CMYA5: variants seen among roughly 807,000 people sequenced by gnomAD.
CMYA5 encodes the protein cardiomyopathy-associated protein 5.
In CMYA5, 246 loss-of-function variants were observed where a neutral mutation model predicts 318.9. The observed-to-expected ratio is 0.77, with a 90% CI of 0.70 to 0.86. The LOEUF (loss-of-function observed/expected upper bound fraction) is 0.86. CMYA5 is among the 40% of genes least tolerant of loss of function. The pLI is 0.00. For synonymous variants in CMYA5, 1,641 were observed against 1,729.5 expected, an observed-to-expected ratio of 0.95 and a Z score of 1.27; for missense variants, 4,589 against 4,678.2, an observed-to-expected ratio of 0.98 and a Z score of 0.56.
At chr5:79,700,092 G>C (rs1454656871) in intron 1 of CMYA5, among the ~76,000 whole-genome samples, 1 of 152,172 alleles carries the variant, frequency 6.6e-6, no homozygotes, top group African/African-American at 2.4e-5. Flanking sequence ...GGCAAGAAAT[G>C]GCAACCACTC....
chr5:79,792,054 T>A, intron 11 of CMYA5, among the ~76,000 whole-genome samples: 1 of 152,240 alleles, frequency 6.6e-6, no homozygotes, highest in East Asian at 1.9e-4. Flanking sequence ...AGCAGTGACT[T>A]TCACTATTTC....
Position 79,730,850 on chromosome 5 carries a change from A to C in CMYA5, c.2085A>C (p.Thr695=). 2 of 1,613,988 alleles carry C rather than the reference A, an allele frequency of 1.2e-6. No individual in the cohort carries two copies. Among genetic ancestry groups the C allele is most frequent in the Non-Finnish European group, 1.7e-6 (2 of 1,179,886 alleles). ...SESGCYTPDS[T]SASEYSVPSL... is the part of the protein sequence containing the mutation. ...GTGGGTGTTACACACCAGACTCCACATCTGCTTCTGAATATTCAGTTCCAT... is the reference window on the plus strand; with the variant it reads ...GTGGGTGTTACACACCAGACTCCACCTCTGCTTCTGAATATTCAGTTCCAT... Residue 695 remains threonine (T), a synonymous_variant, in exon 2 of 13, where the codon ACA becomes ACC. Coordinates refer to ENST00000446378, the MANE Select transcript of CMYA5 (RefSeq NM_153610.5).
At chr5:79,756,786 A>G (rs1378097529) in intron 6 of CMYA5, among the ~76,000 whole-genome samples, 2 of 152,058 alleles carry the variant, frequency 1.3e-5, no homozygotes, top group African/African-American at 4.8e-5. Context: ...TTTGGTGTCC[A>G]CTTTTAATAA....
chr5:79,762,729 G>C (rs1234183176), intron 8 of CMYA5: 4 of 219,780 alleles, frequency 1.8e-5, no homozygotes, highest in Admixed American at 1.0e-4. Flanking sequence ...CTGAGGACAA[G>C]ATCATGGCTA....
In CMYA5 at chr5:79,799,621, T is replaced by C. The variant is rs1170838451; in HGVS notation, c.*5T>C. The C allele has an allele frequency of 3.7e-6, 6 of 1,602,572 alleles. No individual in the cohort carries two copies. In the East Asian group the frequency reaches 9.0e-5, roughly 24 times the overall value. On this transcript the variant is annotated 3_prime_UTR_variant, in exon 13 of 13. Transcript: ENST00000446378. ...GATTCTGTAAGGCACAAGTGATCCT[T>C]GGCTTTCAGAATTTGCAAGAACAGC...
Position 79,738,730 on chromosome 5 carries a change from A to G in CMYA5, c.9965A>G (p.Lys3322Arg). Reference sequence around the variant, plus strand: ...GTTGGTAACGTAGCGATGCAGAAGAAAGCTCCCATCACAGAGGACGTCAGA... The same window carrying G: ...GTTGGTAACGTAGCGATGCAGAAGAGAGCTCCCATCACAGAGGACGTCAGA... ...ETVGNVAMQK[K>R]APITEDVRVA... Residue 3322 changes from lysine (K) to arginine (R), a missense_variant, in exon 2 of 13, where the codon AAA becomes AGA. Coordinates refer to ENST00000446378, the MANE Select transcript of CMYA5 (RefSeq NM_153610.5). The G allele has an allele frequency of 6.2e-7, 1 of 1,613,922 alleles. No homozygotes were observed. The highest frequency in any genetic ancestry group is 8.5e-7 in the Non-Finnish European group (1 of 1,179,856).
At chr5:79,698,844 A>G (rs1447089943) in intron 1 of CMYA5, among the ~76,000 whole-genome samples, 2 of 152,176 alleles carry the variant, frequency 1.3e-5, no homozygotes, top group East Asian at 3.8e-4. Flanking sequence ...AGTGCCTGCT[A>G]CACAGTAGGG....
In CMYA5 at chr5:79,737,717, C is replaced by T. The variant is rs1473994076; in HGVS notation, c.8952C>T (p.Ala2984=). Residue 2984 remains alanine (A), a synonymous_variant, in exon 2 of 13, where the codon GCC becomes GCT. Coordinates refer to ENST00000446378, the MANE Select transcript of CMYA5 (RefSeq NM_153610.5). The part of the protein sequence containing the change: ...QDKLEYLEEK[A]SFKTIPLPDD... ...AATTAGAATATTTGGAAGAGAAAGC[C>T]TCATTTAAAACCATACCACTCCCTG... The T allele has an allele frequency of 6.2e-7, 1 of 1,611,858 alleles. No homozygotes were observed. The highest frequency in any genetic ancestry group is 1.3e-5 in the African/African-American group (1 of 74,858).
rs185336242 is a variant in CMYA5 at position 79,766,295 on chromosome 5, G to A, written c.11555+3086G>A. On this transcript the variant is annotated intron_variant, in intron 9 of 12. Coordinates refer to ENST00000446378, the MANE Select transcript of CMYA5 (RefSeq NM_153610.5). ...TTTGGGTATTTTTAGTAGAGACGGG[G>A]TTTCACCATGTTAGCCAGGATGGTC... is the stretch of plus-strand genomic sequence containing the variant. Among the ~76,000 whole-genome samples the A allele has an allele frequency of 1.0e-3, 155 of 152,232 alleles. 1 individual carries two copies. The highest frequency in any genetic ancestry group is 1.5e-3 in the Non-Finnish European group (100 of 68,016).
In CMYA5 at chr5:79,726,909, A is replaced by ATTTTTTTTTTTTTT. The variant is rs34198193; in HGVS notation, c.150-1996_150-1983dup. On this transcript the variant is annotated intron_variant, in intron 1 of 12. Coordinates refer to ENST00000446378, the MANE Select transcript of CMYA5 (RefSeq NM_153610.5). ...AGAGCTAGGATTGTTTAGGCCAGTGATTTTTTTTTTTTTTTTTTTTTTTGA... is the reference window on the plus strand; with the variant it reads ...AGAGCTAGGATTGTTTAGGCCAGTGATTTTTTTTTTTTTTTTTTTTTTTTTTTTTTTTTTTTTGA... Among the ~76,000 whole-genome samples, 88 of 96,032 alleles carry ATTTTTTTTTTTTTT rather than the reference A, an allele frequency of 9.2e-4. 12 individuals carry two copies. The highest frequency in any genetic ancestry group is 3.7e-3 in the African/African-American group (71 of 19,242). 63.0% of individuals were successfully genotyped at this position (96,032 alleles called of 152,430 possible). A position where few individuals can be genotyped will look rare whatever the true frequency, so the allele number is the denominator to read the frequency against.
Position 79,729,618 on chromosome 5 carries a change from C to T in CMYA5, c.853C>T (p.Arg285Cys), listed in dbSNP as rs200878416. Residue 285 changes from arginine (R) to cysteine (C), a missense_variant, in exon 2 of 13, where the codon CGC becomes TGC. Physicochemically the swap from Arg to Cys is radical, Grantham distance 180. This residue lies in a region of CMYA5 where 2,132 missense variants were observed against 2,131.3 expected (regional missense o/e 1.00). Transcript: ENST00000446378. ...NSGSNTVSKT[R>C]KLVAQSIEDK... ...TGGTTCTAATACAGTGTCCAAAACACGCAAATTAGTAGCCCAAAGCATAGA... is the reference window on the plus strand; with the variant it reads ...TGGTTCTAATACAGTGTCCAAAACATGCAAATTAGTAGCCCAAAGCATAGA... 2.6e-4 allele frequency: 422 copies of T among 1,613,688 alleles called. 4 individuals are homozygous for T. In the African/African-American group the frequency reaches 4.3e-3, roughly 17 times the overall value.
chr5:79,700,337 C>T lies in CMYA5; in HGVS notation c.149+10281C>T, dbSNP rs951330683. ...AGGTGAGAGGTGCTGCCTTGGGTTC[C>T]AGAATCTTCGCCAGTTAGTTTTGAT... On this transcript the variant is annotated intron_variant, in intron 1 of 12. Transcript: ENST00000446378. Among the ~76,000 whole-genome samples, 10 of 151,878 alleles carry T rather than the reference C, an allele frequency of 6.6e-5. No individual in the cohort carries two copies. In the East Asian group the frequency reaches 1.7e-3, roughly 26 times the overall value.
At chr5:79,750,541 T>G (rs1469468095) in intron 5 of CMYA5, among the ~76,000 whole-genome samples, 1 of 140,248 alleles carries the variant, frequency 7.1e-6, no homozygotes, top group African/African-American at 2.6e-5. Context: ...TTATTTTACC[T>G]TGCCACTTTT....
chr5:79,794,573 T>G lies in CMYA5; in HGVS notation c.11963+963T>G, dbSNP rs139731911. Among the ~76,000 whole-genome samples, 913 of 152,356 alleles carry G rather than the reference T, an allele frequency of 6.0e-3. 11 individuals carry two copies. The highest frequency in any genetic ancestry group is 0.019 in the African/African-American group (797 of 41,586). ...CCCTTTGAGCATACCTTAAATCATC[T>G]AGCTCAGCAGGGGACAGTAATGCCT... On this transcript the variant is annotated intron_variant, in intron 12 of 12. Coordinates refer to ENST00000446378, the MANE Select transcript of CMYA5 (RefSeq NM_153610.5).
rs1829214064 is a variant in CMYA5, at chr5:79,793,441, C to T, written c.11794C>T (p.Pro3932Ser). The change falls in exon 12 of 13, where the codon CCG becomes TCG. Residue 3932 changes from proline to serine, a missense_variant. Pro to Ser is a moderately conservative substitution (Grantham distance 74). Around this residue, in one of 3 missense-constraint regions of CMYA5, gnomAD observed 2,431 missense variants for 2,495.1 expected, o/e 0.97. Coordinates refer to ENST00000446378, the MANE Select transcript of CMYA5 (RefSeq NM_153610.5). ...TCTGATTGACTTCACCCACAGAATC[C>T]CGTCAGTGCTGGGTGAGGAGCTGCC... ...FGERRRLTEIPSVLGEELPSC... is the reference protein window; with the variant it reads ...FGERRRLTEISSVLGEELPSC... 1 of 1,609,222 alleles carries T rather than the reference C, an allele frequency of 6.2e-7. No individual in the cohort carries two copies. Among genetic ancestry groups the T allele is most frequent in the Non-Finnish European group, 8.5e-7 (1 of 1,176,154 alleles).
chr5:79,717,110 C>T (rs576390026), intron 1 of CMYA5, among the ~76,000 whole-genome samples: 3 of 152,306 alleles, frequency 2.0e-5, no homozygotes, highest in South Asian at 4.1e-4. Flanking sequence ...AATAACCATA[C>T]TCACTCTTTT....
intron 1 of CMYA5, among the ~76,000 whole-genome samples, chr5:79,716,110 G>A (rs1243174035): frequency 6.6e-5 from 10 of 152,198 alleles, no homozygotes; most frequent in Admixed American, 3.9e-4. Flanking sequence ...TTACTATCAA[G>A]TGGTGTCCTT....
chr5:79,734,165 C>T lies in CMYA5; in HGVS notation c.5400C>T (p.Ser1800=), dbSNP rs1827992156. The T allele has an allele frequency of 6.2e-7, 1 of 1,613,746 alleles. No homozygotes were observed. Among genetic ancestry groups the T allele is most frequent in the African/African-American group, 1.3e-5 (1 of 74,998 alleles). Residue 1800 remains serine (S), a synonymous_variant, in exon 2 of 13, where the codon TCC becomes TCT. Transcript: ENST00000446378. ...AAGAAACAGGCCACCCAAATTCATCCCAGGTACTCCAGAGTATAACAGAAC... is the reference window on the plus strand; with the variant it reads ...AAGAAACAGGCCACCCAAATTCATCTCAGGTACTCCAGAGTATAACAGAAC... The part of the protein sequence containing the change: ...LSEETGHPNS[S]QVLQSITEPS...
At chr5:79,760,646 C>T (rs1337433422) in intron 7 of CMYA5, among the ~76,000 whole-genome samples, 2 of 152,174 alleles carry the variant, frequency 1.3e-5, no homozygotes, top group Non-Finnish European at 2.9e-5. Context: ...TTTATGAGAA[C>T]AGCAAGGGAG....
Sources: gnomAD v4.1 joint callset for allele counts (sites outside exome capture counted in the v4.1 genomes callset) on GRCh38, gnomAD v4.1.1 for gene constraint, gnomAD v4.1.1 regional missense constraint, MANE v1.5 for transcripts, NCBI Gene and HGNC (gene_info 2026-07-23, HGNC 2026-07-21) for gene names.